Variants in SH3GL3 observed in about 807,000 individuals in gnomAD.
SH3GL3 encodes endophilin-A3.
SH3GL3 carries 33 observed loss-of-function variants against 47.7 expected under a neutral mutation model. That is an observed-to-expected ratio of 0.69 (90% CI 0.52 to 0.92). The LOEUF is 0.92. Among genes scored for constraint, SH3GL3 ranks in the 40% least tolerant of loss-of-function variants. The pLI is 0.00. For missense variants in SH3GL3, 363 were observed against 417.8 expected (o/e 0.87, Z 1.14); for synonymous variants, 155 against 148.8 (o/e 1.04, Z -0.30).
intron 3 of SH3GL3, among the ~76,000 whole-genome samples, chr15:83,566,838 G>A (rs1239021039): frequency 3.9e-5 from 6 of 152,118 alleles, no homozygotes; most frequent in Admixed American, 1.3e-4. Flanking sequence ...CAGCTGGCAC[G>A]GGAATGTCAC....
At chr15:83,505,213 C>A (rs1239141536) in intron 1 of SH3GL3, among the ~76,000 whole-genome samples, 1 of 152,254 alleles carries the variant, frequency 6.6e-6, no homozygotes, top group South Asian at 2.1e-4. Context: ...GGTGCACATT[C>A]CACAGGCTTC....
chr15:83,555,139 A>G (rs2044879356), intron 1 of SH3GL3, among the ~76,000 whole-genome samples: 1 of 152,106 alleles, frequency 6.6e-6, no homozygotes, highest in Non-Finnish European at 1.5e-5. Context: ...GATTGCGCCC[A>G]GGCTGGAGTT....
chr15:83,537,651 C>T (rs753443817), intron 1 of SH3GL3, among the ~76,000 whole-genome samples: 3 of 152,114 alleles, frequency 2.0e-5, no homozygotes, highest in Admixed American at 6.5e-5. Context: ...CCTGATGATT[C>T]CCCAGGCTCA....
chr15:83,472,104 G>A (rs1181072443), intron 1 of SH3GL3, among the ~76,000 whole-genome samples: 2 of 152,100 alleles, frequency 1.3e-5, no homozygotes, highest in East Asian at 1.9e-4. Flanking sequence ...GGCTCATCTC[G>A]AACTCCTGAC....
At chr15:83,490,971 A>T (rs1209329354) in intron 1 of SH3GL3, 3 of 1,608,574 alleles carry the variant, frequency 1.9e-6, no homozygotes, top group Non-Finnish European at 2.5e-6. Flanking sequence ...AGCCATTCTC[A>T]TCAGCACAGA....
chr15:83,614,821 A>G (rs1242266179), intron 8 of SH3GL3, among the ~76,000 whole-genome samples: 1 of 152,108 alleles, frequency 6.6e-6, no homozygotes, highest in East Asian at 1.9e-4. Context: ...CCTTCTCACA[A>G]CAGGAATCTC....
chr15:83,587,285 T>A (rs1457019374), intron 7 of SH3GL3, among the ~76,000 whole-genome samples, 199 bp downstream of exon 7: 1 of 152,190 alleles, frequency 6.6e-6, no homozygotes, highest in East Asian at 1.9e-4. Context: ...AGGATAGAAC[T>A]GGGAAAAGGG....
intron 5 of SH3GL3, among the ~76,000 whole-genome samples, chr15:83,575,942 C>T (rs1034472886): frequency 6.6e-6 from 1 of 152,102 alleles, no homozygotes; most frequent in African/African-American, 2.4e-5. Flanking sequence ...CCTACTGCTA[C>T]GCAAGGCAGC....
intron 6 of SH3GL3, among the ~76,000 whole-genome samples, chr15:83,583,945 T>C (rs1036311850): frequency 6.6e-6 from 1 of 152,060 alleles, no homozygotes; most frequent in Non-Finnish European, 1.5e-5. Flanking sequence ...ACTAATCTCA[T>C]TGTTAGGTTT....
chr15:83,618,523 T>C lies in SH3GL3; in HGVS notation c.*236T>C, dbSNP rs1351875260. 2.1e-6 allele frequency: 1 copy of C among 476,070 alleles called. No homozygotes were observed. Among genetic ancestry groups the C allele is most frequent in the Non-Finnish European group, 3.8e-6 (1 of 264,796 alleles). The allele number at this position is 476,070 out of a possible 1,614,324, so 29.5% of individuals were successfully genotyped here. A position where few individuals can be genotyped will look rare whatever the true frequency, so the allele number is the denominator to read the frequency against. The stretch of plus-strand genomic sequence containing the variant: ...CCTGTCCTAAAAGTCATTGGTTAAA[T>C]GTATTTGCTTCCTGTGGCTAAAAAT... On this transcript the variant is annotated 3_prime_UTR_variant, in exon 9 of 9. Transcript: ENST00000427482.
intron 1 of SH3GL3, among the ~76,000 whole-genome samples, chr15:83,536,499 T>A (rs1403587036): frequency 2.0e-5 from 3 of 150,850 alleles, no homozygotes; most frequent in African/African-American, 7.3e-5. Context: ...TGCCTTCGGG[T>A]TCAAGTGATT....
chr15:83,492,279 CAAAAAAA>C (rs11300008), intron 1 of SH3GL3, among the ~76,000 whole-genome samples: 2 of 51,488 alleles, frequency 3.9e-5, no homozygotes, highest in African/African-American at 8.6e-5. Flanking sequence ...GACTCCCTCT[CAAAAAAA>C]AAAAAAAAAA....
At chr15:83,504,789 A>G (rs1301848860) in intron 1 of SH3GL3, among the ~76,000 whole-genome samples, 2 of 152,226 alleles carry the variant, frequency 1.3e-5, no homozygotes, top group African/African-American at 2.4e-5. Flanking sequence ...TGACTCTCAG[A>G]AACTGCGTGA....
chr15:83,479,875 A>G (rs1389276123), intron 1 of SH3GL3, among the ~76,000 whole-genome samples: 2 of 152,218 alleles, frequency 1.3e-5, no homozygotes, highest in Non-Finnish European at 2.9e-5. Flanking sequence ...CTGTAAAATG[A>G]AGATAATAAT....
intron 1 of SH3GL3, among the ~76,000 whole-genome samples, chr15:83,520,039 A>G (rs2043140473): frequency 6.6e-6 from 1 of 152,188 alleles, no homozygotes; most frequent in African/African-American, 2.4e-5. Flanking sequence ...ACTTTGCCAG[A>G]GTATCGGCAT....
intron 8 of SH3GL3, among the ~76,000 whole-genome samples, chr15:83,600,501 C>T (rs1436740741): frequency 4.6e-5 from 7 of 151,996 alleles, no homozygotes; most frequent in East Asian, 1.9e-4. Flanking sequence ...GTTGGCTGTA[C>T]GTATTTGGCT....
chr15:83,523,062 A>T (rs1420784278), intron 1 of SH3GL3, among the ~76,000 whole-genome samples: 1 of 152,240 alleles, frequency 6.6e-6, no homozygotes, highest in Non-Finnish European at 1.5e-5. Flanking sequence ...ATAGATTTAC[A>T]TGTGATGTTT....
intron 5 of SH3GL3, among the ~76,000 whole-genome samples, chr15:83,572,977 C>G (rs1337686311): frequency 6.6e-6 from 1 of 152,112 alleles, no homozygotes; most frequent in Non-Finnish European, 1.5e-5. Context: ...CTAAGCCAGG[C>G]TAAACAAAGT....
At chr15:83,588,065 G>A (rs1400349110) in intron 7 of SH3GL3, among the ~76,000 whole-genome samples, 3 of 152,216 alleles carry the variant, frequency 2.0e-5, no homozygotes, top group Non-Finnish European at 4.4e-5. Context: ...CCGCGTCCCA[G>A]GCACTTGCTG....
Sources: allele counts gnomAD v4.1 joint callset (sites outside exome capture counted in the v4.1 genomes callset), GRCh38; gene constraint gnomAD v4.1.1; transcripts MANE v1.5; gene names NCBI Gene and HGNC (gene_info 2026-07-23, HGNC 2026-07-21).